The following BBS9 variants were observed in gnomAD, a reference collection of about 807,000 sequenced individuals.
The protein encoded by BBS9 is protein PTHB1.
Under a neutral mutation model 117.7 loss-of-function variants are expected in BBS9, and 89 were observed. That is an observed-to-expected ratio of 0.76 (90% CI 0.64 to 0.90). The LOEUF is 0.90. BBS9 is among the 40% of genes least tolerant of loss of function. The pLI is 0.00. For synonymous variants in BBS9, 379 were observed against 370.9 expected (o/e 1.02, Z -0.25); for missense variants, 982 against 1,042.2 (o/e 0.94, Z 0.80).
chr7:33,567,293 A>T (rs986718295), intron 21 of BBS9, among the ~76,000 whole-genome samples: 1 of 152,174 alleles, frequency 6.6e-6, no homozygotes, highest in Non-Finnish European at 1.5e-5. Flanking sequence ...TCTTCTTTAA[A>T]TGTGCATATT....
chr7:33,476,854 T>A (rs1382022087), intron 19 of BBS9, among the ~76,000 whole-genome samples: 4 of 152,228 alleles, frequency 2.6e-5, no homozygotes, highest in Non-Finnish European at 5.9e-5. Flanking sequence ...TAAGTATGTA[T>A]ATAGATTGTC....
At chr7:33,389,045 T>C (rs909964815) in intron 19 of BBS9, among the ~76,000 whole-genome samples, 1 of 152,174 alleles carries the variant, frequency 6.6e-6, no homozygotes, top group African/African-American at 2.4e-5. Flanking sequence ...CTTCCAATGG[T>C]AACATTTTGC....
intron 9 of BBS9, among the ~76,000 whole-genome samples, chr7:33,283,333 G>C (rs1379980373): frequency 3.9e-5 from 6 of 151,994 alleles, no homozygotes. Context: ...TACTTTTTCT[G>C]TCTGGATGCT....
At chr7:33,290,137 C>A (rs1803725326) in intron 9 of BBS9, among the ~76,000 whole-genome samples, 1 of 151,992 alleles carries the variant, frequency 6.6e-6, no homozygotes, top group South Asian at 2.1e-4. Context: ...TAACTTAAAG[C>A]ATTTAGGAAT....
At chr7:33,335,820 A>C (rs539793778) in intron 9 of BBS9, among the ~76,000 whole-genome samples, 4 of 152,286 alleles carry the variant, frequency 2.6e-5, no homozygotes, top group Non-Finnish European at 5.9e-5. Flanking sequence ...CCAGAGGGCC[A>C]CTTGAATAGG....
chr7:33,524,982 A>G (rs1849250481), intron 20 of BBS9, among the ~76,000 whole-genome samples: 1 of 152,068 alleles, frequency 6.6e-6, no homozygotes, highest in African/African-American at 2.4e-5. Flanking sequence ...GAACATCTTT[A>G]TTTCTGCCTT....
Position 33,271,468 on chromosome 7 carries a change from A to T in BBS9, c.703-1544A>T, listed in dbSNP as rs74354156. The stretch of plus-strand genomic sequence containing the variant: ...CACAATTGTATGCTGCCTTCAAGAG[A>T]CCCATCTCACATGCTGTACACCTGT... On this transcript the variant is annotated intron_variant, in intron 7 of 22. Transcript: ENST00000242067. Among the ~76,000 whole-genome samples the T allele has an allele frequency of 4.4e-3, 670 of 152,272 alleles. 6 individuals are homozygous for T. Among genetic ancestry groups the T allele is most frequent in the African/African-American group, 0.015 (632 of 41,558 alleles).
intron 9 of BBS9, among the ~76,000 whole-genome samples, chr7:33,299,803 C>T (rs934344853): frequency 6.6e-6 from 1 of 152,056 alleles, no homozygotes; most frequent in African/African-American, 2.4e-5. Flanking sequence ...ATAAGAGACG[C>T]TTAGAAACGT....
At chr7:33,170,273 C>T (rs1345998623) in intron 4 of BBS9, among the ~76,000 whole-genome samples, 4 of 148,178 alleles carry the variant, frequency 2.7e-5, no homozygotes, top group African/African-American at 1.0e-4. Context: ...TGGGCTTCAT[C>T]CCTGGGATGC....
chr7:33,449,889 A>G (rs1837541035), intron 19 of BBS9, among the ~76,000 whole-genome samples: 1 of 152,158 alleles, frequency 6.6e-6, no homozygotes, highest in African/African-American at 2.4e-5. Context: ...CACACGACAT[A>G]AAATTCACCT....
intron 9 of BBS9, chr7:33,276,853 G>T: frequency 6.4e-6 from 1 of 157,450 alleles, no homozygotes; most frequent in Non-Finnish European, 1.4e-5. Context: ...GCAGTCCATA[G>T]GTGTGGTGGT....
intron 5 of BBS9, among the ~76,000 whole-genome samples, chr7:33,223,180 CA>C (rs1790588033): frequency 6.6e-6 from 1 of 151,708 alleles, no homozygotes; most frequent in African/African-American, 2.4e-5. Flanking sequence ...TTTTAATTGA[CA>C]AATAAAACTT....
At chr7:33,492,157 C>T (rs776370927) in intron 19 of BBS9, among the ~76,000 whole-genome samples, 5 of 144,068 alleles carry the variant, frequency 3.5e-5, no homozygotes, top group Admixed American at 7.0e-5. Context: ...GAGCCAAGAT[C>T]GCACCACTGC....
chr7:33,387,268 A>G (rs1826197406), intron 18 of BBS9, among the ~76,000 whole-genome samples: 1 of 152,142 alleles, frequency 6.6e-6, no homozygotes, highest in Non-Finnish European at 1.5e-5. Context: ...TCAAAGGCGT[A>G]TGTTTAAGAG....
intron 21 of BBS9, among the ~76,000 whole-genome samples, chr7:33,556,591 C>A (rs1325589144): frequency 6.6e-6 from 1 of 152,134 alleles, no homozygotes; most frequent in African/African-American, 2.4e-5. Flanking sequence ...CTAAATAAAT[C>A]TATTTTAAAG....
At chr7:33,317,777 C>T (rs569245466) in intron 9 of BBS9, among the ~76,000 whole-genome samples, 27 of 152,278 alleles carry the variant, frequency 1.8e-4, no homozygotes, top group African/African-American at 3.9e-4. Flanking sequence ...ATGGGCCAGG[C>T]GCAGTGGCTC....
chr7:33,200,985 T>C (rs1356291426), intron 5 of BBS9, among the ~76,000 whole-genome samples: 7 of 152,190 alleles, frequency 4.6e-5, no homozygotes, highest in Non-Finnish European at 4.4e-5. Flanking sequence ...CCTGGGTTTG[T>C]CAACTGGTGG....
At chr7:33,366,543 C>CTTTTTTTTTTT (rs70989948) in intron 16 of BBS9, among the ~76,000 whole-genome samples, 45 of 89,686 alleles carry the variant, frequency 5.0e-4, no homozygotes, top group African/African-American at 5.7e-4. Flanking sequence ...TCTTTTCTTT[C>CTTTTTTTTTTT]TTTTTTTTTT....
At chr7:33,368,612 A>ACC (rs1259464028) in intron 17 of BBS9, among the ~76,000 whole-genome samples, 2 of 145,702 alleles carry the variant, frequency 1.4e-5, no homozygotes, top group African/African-American at 5.2e-5. Flanking sequence ...ACACACACAC[A>ACC]CACACCCATA....
Sources: gnomAD v4.1 joint callset for allele counts (sites outside exome capture counted in the v4.1 genomes callset) on GRCh38, gnomAD v4.1.1 for gene constraint, MANE v1.5 for transcripts, NCBI Gene and HGNC (gene_info 2026-07-23, HGNC 2026-07-21) for gene names.